EPS15L1: variants seen among roughly 807,000 people sequenced by gnomAD.
EPS15L1 encodes epidermal growth factor receptor substrate 15-like 1.
Under a neutral mutation model 117.1 loss-of-function variants are expected in EPS15L1, and 43 were observed. That is an observed-to-expected ratio of 0.37 (90% CI 0.29 to 0.47). The LOEUF is 0.47. EPS15L1 is among the 20% of genes least tolerant of loss of function. The pLI, the probability that EPS15L1 is intolerant of heterozygous loss-of-function variation, is 0.99. For synonymous variants in EPS15L1, 459 were observed against 470.5 expected (o/e 0.98, Z 0.32); for missense variants, 981 against 1,164.0 (o/e 0.84, Z 2.29).
intron 22 of EPS15L1, 98 bp downstream of exon 22, chr19:16,377,024 G>A (rs1255384041): frequency 2.1e-6 from 3 of 1,428,928 alleles, no homozygotes; most frequent in Non-Finnish European, 2.8e-6. Context: ...GGGTCCCACG[G>A]CATCTGCTGC....
At chr19:16,450,449 G>C (rs1449012169) in intron 1 of EPS15L1, among the ~76,000 whole-genome samples, 2 of 151,428 alleles carry the variant, frequency 1.3e-5, no homozygotes, top group Non-Finnish European at 2.9e-5. Context: ...GCTGGACGGA[G>C]GCCGTGAGCC....
At chr19:16,424,233 G>C (rs2092845746) in intron 9 of EPS15L1, among the ~76,000 whole-genome samples, 1 of 152,214 alleles carries the variant, frequency 6.6e-6, no homozygotes, top group South Asian at 2.1e-4. Flanking sequence ...AGTTGGAGTA[G>C]GGGGAGCATG....
At chr19:16,379,673 C>G (rs961745654) in intron 21 of EPS15L1, among the ~76,000 whole-genome samples, 2 of 151,564 alleles carry the variant, frequency 1.3e-5, no homozygotes, top group East Asian at 1.9e-4. Context: ...CAGACAAGGC[C>G]ATCTAAGGCT....
rs139694029 is a variant in EPS15L1 at position 16,377,150 on chromosome 19, A to G, written c.2352T>C (p.Pro784=). ...TGGGCGGTTTAGGCCGTGGAGGAGC[A>G]GGTTTCTTCGGAGGCAGAGCAGGAG... is the stretch of plus-strand genomic sequence containing the variant. ...QDTPALPPKK[P]APPRPKPPSG... is the part of the protein sequence containing the mutation. The change falls in exon 22 of 24, where the codon CCT becomes CCC. Residue 784 remains proline, a synonymous_variant. Transcript: ENST00000455140. 2 of 1,608,922 alleles carry G rather than the reference A, an allele frequency of 1.2e-6. No homozygotes were observed. Among genetic ancestry groups the G allele is most frequent in the South Asian group, 1.1e-5 (1 of 90,370 alleles).
intron 8 of EPS15L1, among the ~76,000 whole-genome samples, chr19:16,426,132 C>A (rs1404845651): frequency 6.6e-6 from 1 of 152,174 alleles, no homozygotes; most frequent in Non-Finnish European, 1.5e-5. Flanking sequence ...ACAACCTTGA[C>A]CCACCTTGAC....
chr19:16,403,310 G>A (rs1258958162), intron 15 of EPS15L1, among the ~76,000 whole-genome samples: 9 of 152,212 alleles, frequency 5.9e-5, no homozygotes, highest in Admixed American at 5.9e-4. Context: ...TGATGCTCCA[G>A]GGTGGCGCCT....
intron 21 of EPS15L1, among the ~76,000 whole-genome samples, chr19:16,379,290 C>A (rs978971737): frequency 1.3e-5 from 2 of 151,910 alleles, no homozygotes; most frequent in South Asian, 4.2e-4. Flanking sequence ...GGCAACAGAG[C>A]GAGACTCCAT....
chr19:16,409,821 C>T (rs1217689384), intron 13 of EPS15L1, among the ~76,000 whole-genome samples: 1 of 151,804 alleles, frequency 6.6e-6, no homozygotes, highest in Non-Finnish European at 1.5e-5. Context: ...ACCTATAATC[C>T]CAGCTACTTG....
At chr19:16,402,569 T>TGAGACC in intron 15 of EPS15L1, 84 bp from the exon 16 acceptor site, 1 of 1,287,228 alleles carries the variant, frequency 7.8e-7, no homozygotes, top group Non-Finnish European at 1.1e-6. Context: ...AAACACAGGG[T>TGAGACC]CTCACTCTGT....
chr19:16,390,196 G>A (rs961230679), intron 19 of EPS15L1, among the ~76,000 whole-genome samples: 1 of 152,140 alleles, frequency 6.6e-6, no homozygotes, highest in African/African-American at 2.4e-5. Context: ...GATGTATCAT[G>A]TAGTGAATAA....
At chr19:16,401,605 G>A in intron 16 of EPS15L1, 6 of 985,542 alleles carry the variant, frequency 6.1e-6, no homozygotes, top group Non-Finnish European at 7.2e-6. Flanking sequence ...CGAGGCTGCA[G>A]GGGCAGACTC....
intron 1 of EPS15L1, among the ~76,000 whole-genome samples, chr19:16,452,370 C>T (rs185803873): frequency 8.6e-5 from 13 of 151,348 alleles, no homozygotes; most frequent in Middle Eastern, 3.4e-3. Flanking sequence ...CACTTGAACC[C>T]GGGAGGCAGA....
Position 16,441,987 on chromosome 19 carries a change from A to G in EPS15L1, c.76-6T>C, listed in dbSNP as rs1313667205. 2 of 1,609,054 alleles carry G rather than the reference A, an allele frequency of 1.2e-6. No individual in the cohort carries two copies. The highest frequency in any genetic ancestry group is 2.7e-5 in the African/African-American group (2 of 74,624). ...CCTGTGTATGCCGGATCGACCTGAA[A>G]TGGGAGACCAAGAGGCAAAATAACT... On this transcript the variant is annotated splice_region_variant and splice_polypyrimidine_tract_variant and intron_variant, in intron 2 of 23. Transcript: ENST00000455140.
chr19:16,372,435 G>T (rs929149817), intron 22 of EPS15L1, among the ~76,000 whole-genome samples: 1 of 152,202 alleles, frequency 6.6e-6, no homozygotes. Context: ...AAAGCCACAC[G>T]TGACTCAGAC....
At chr19:16,436,735 T>C (rs958753969) in intron 6 of EPS15L1, 16 of 496,312 alleles carry the variant, frequency 3.2e-5, no homozygotes, top group Non-Finnish European at 4.3e-5. Flanking sequence ...GGCCACAGCC[T>C]TTGTAAAAGG....
chr19:16,440,231 G>A (rs541139791), intron 4 of EPS15L1, among the ~76,000 whole-genome samples: 23 of 152,156 alleles, frequency 1.5e-4, no homozygotes, highest in African/African-American at 4.8e-4. Context: ...TCAGGAGTTC[G>A]AGACCAGCCT....
intron 1 of EPS15L1, among the ~76,000 whole-genome samples, chr19:16,455,326 T>C (rs557998538): frequency 1.3e-5 from 2 of 152,040 alleles, no homozygotes; most frequent in Admixed American, 1.3e-4. Context: ...GGGGTCTCAT[T>C]ATTTTGCCAG....
At chr19:16,403,606 C>T in intron 15 of EPS15L1, 127 bp downstream of exon 15, 2 of 905,080 alleles carry the variant, frequency 2.2e-6, no homozygotes, top group East Asian at 2.5e-5. Context: ...GCCAGCACCA[C>T]AGCCTCCCAA....
In EPS15L1 at chr19:16,459,533, C is replaced by T. The variant is rs369546255; in HGVS notation, c.33+12380G>A. 5.9e-5 allele frequency among the ~76,000 whole-genome samples: 9 copies of T among 152,160 alleles called. No individual in the cohort carries two copies. The East Asian group carries it at 7.7e-4, about 13-fold the overall frequency. The stretch of plus-strand genomic sequence containing the variant: ...GGAAGGTGCAGTTGGTAGTGGGGAG[C>T]GGGCAGACATAGCTCTGTGGCTCAG... On this transcript the variant is annotated intron_variant, in intron 1 of 23. Coordinates refer to ENST00000455140, the MANE Select transcript of EPS15L1 (RefSeq NM_001258374.3).
Sources: gnomAD v4.1 joint callset for allele counts (sites outside exome capture counted in the v4.1 genomes callset) on GRCh38, gnomAD v4.1.1 for gene constraint, MANE v1.5 for transcripts, NCBI Gene and HGNC (gene_info 2026-07-23, HGNC 2026-07-21) for gene names.